RALGAPB: variants seen among roughly 807,000 people sequenced by gnomAD.
RALGAPB encodes ral GTPase-activating protein subunit beta.
A neutral mutation model predicts 161.1 loss-of-function variants in RALGAPB; 25 were observed. That is an observed-to-expected ratio of 0.16 (90% CI 0.11 to 0.22). The LOEUF (loss-of-function observed/expected upper bound fraction) is 0.22, where lower values mean the gene tolerates loss of function less well. Among genes scored for constraint, RALGAPB ranks in the 10% least tolerant of loss-of-function variants. The probability of loss-of-function intolerance (pLI) is 1.00; values close to 1 mark genes in which losing one functional copy is unlikely to be tolerated. For synonymous variants in RALGAPB, 629 were observed against 626.1 expected, an observed-to-expected ratio of 1.00 and a Z score of -0.07; for missense variants, 1,391 against 1,815.2, an observed-to-expected ratio of 0.77 and a Z score of 4.25.
intron 3 of RALGAPB, among the ~76,000 whole-genome samples, chr20:38,493,891 T>G (rs1197805349): frequency 1.3e-5 from 2 of 152,196 alleles, no homozygotes; most frequent in Non-Finnish European, 2.9e-5. Flanking sequence ...CTAGCTGTTC[T>G]GAATTCTGCG....
chr20:38,512,688 A>G (rs1206931766), intron 6 of RALGAPB, among the ~76,000 whole-genome samples: 1 of 152,160 alleles, frequency 6.6e-6, no homozygotes, highest in Non-Finnish European at 1.5e-5. Flanking sequence ...TTTGAGTAGG[A>G]TGTTGGTTGT....
chr20:38,556,887 G>T (rs1974686701), intron 22 of RALGAPB, among the ~76,000 whole-genome samples: 1 of 152,176 alleles, frequency 6.6e-6, no homozygotes, highest in African/African-American at 2.4e-5. Flanking sequence ...GGCAAAATTG[G>T]ACCTGAATTG....
At chr20:38,482,003 T>G (rs1433064110) in intron 1 of RALGAPB, among the ~76,000 whole-genome samples, 1 of 151,388 alleles carries the variant, frequency 6.6e-6, no homozygotes, top group Non-Finnish European at 1.5e-5. Context: ...GCACTGACCC[T>G]GTGCAATCAA....
intron 16 of RALGAPB, among the ~76,000 whole-genome samples, chr20:38,536,200 A>G (rs928306080): frequency 6.6e-6 from 1 of 152,212 alleles, no homozygotes; most frequent in Non-Finnish European, 1.5e-5. Flanking sequence ...CCTATACTGG[A>G]CATTTCATAT....
chr20:38,538,965 A>T (rs2086888728), intron 16 of RALGAPB, among the ~76,000 whole-genome samples: 1 of 152,256 alleles, frequency 6.6e-6, no homozygotes, highest in Non-Finnish European at 1.5e-5. Context: ...TGTATTTATA[A>T]TATCCAGAAG....
rs549000844 is a variant in RALGAPB, at chr20:38,566,327, G to A, written c.3818-769G>A. ...AATTATAACAGCTGTTGGGCTTCCC[G>A]TCAAGGTTCTGGTTTACTACTTATA... On this transcript the variant is annotated intron_variant, in intron 25 of 29. Transcript: ENST00000262879. Among the ~76,000 whole-genome samples, 8 of 152,236 alleles carry A rather than the reference G, an allele frequency of 5.3e-5. No homozygotes were observed. The South Asian group carries it at 1.5e-3, about 28-fold the overall frequency.
At chr20:38,566,149 T>C (rs2087989943) in intron 25 of RALGAPB, among the ~76,000 whole-genome samples, 1 of 152,180 alleles carries the variant, frequency 6.6e-6, no homozygotes, top group African/African-American at 2.4e-5. Context: ...TTCAGTCTTA[T>C]TTCCAGACTA....
intron 4 of RALGAPB, among the ~76,000 whole-genome samples, chr20:38,497,743 G>T (rs1188743183): frequency 6.6e-6 from 1 of 152,114 alleles, no homozygotes; most frequent in Non-Finnish European, 1.5e-5. Context: ...GGGACTCAGT[G>T]AATTATGCAT....
At chr20:38,512,629 G>A (rs2085994937) in intron 6 of RALGAPB, among the ~76,000 whole-genome samples, 1 of 152,132 alleles carries the variant, frequency 6.6e-6, no homozygotes, top group African/African-American at 2.4e-5. Flanking sequence ...TACTGTTTTG[G>A]CACCTTTTTT....
At chr20:38,493,904 A>G (rs746455419) in intron 3 of RALGAPB, among the ~76,000 whole-genome samples, 1 of 152,198 alleles carries the variant, frequency 6.6e-6, no homozygotes, top group African/African-American at 2.4e-5. Flanking sequence ...ATTCTGCGTG[A>G]GTGCTGCTCT....
At chr20:38,512,724 T>C (rs574093551) in intron 6 of RALGAPB, among the ~76,000 whole-genome samples, 131 of 152,328 alleles carry the variant, frequency 8.6e-4, no homozygotes, top group African/African-American at 2.9e-3. Flanking sequence ...TTTTTTATGC[T>C]CCTGGTTTCC....
At chr20:38,498,139 G>A (rs573686341) in intron 4 of RALGAPB, among the ~76,000 whole-genome samples, 1 of 151,160 alleles carries the variant, frequency 6.6e-6, no homozygotes, top group East Asian at 1.9e-4. Flanking sequence ...ATATTACAAA[G>A]TAGTTATCAA....
chr20:38,572,745 A>G (rs1380009873), intron 28 of RALGAPB, among the ~76,000 whole-genome samples: 2 of 152,224 alleles, frequency 1.3e-5, no homozygotes, highest in Non-Finnish European at 2.9e-5. Flanking sequence ...AACGTTCCAA[A>G]TACATCAGTA....
rs546780141 is a variant in RALGAPB, at chr20:38,488,889, C to T, written c.186+271C>T. Among the ~76,000 whole-genome samples the T allele has an allele frequency of 2.6e-5, 4 of 152,260 alleles. No individual in the cohort carries two copies. The East Asian group carries it at 7.7e-4, about 29-fold the overall frequency. Reference sequence around the variant, plus strand: ...CTTTTTACTAGTTATGGTCAATTCTCCACTTGAGCTGAAGGCCAAGACAAA... The same window carrying T: ...CTTTTTACTAGTTATGGTCAATTCTTCACTTGAGCTGAAGGCCAAGACAAA... On this transcript the variant is annotated intron_variant, in intron 2 of 29. Transcript: ENST00000262879.
chr20:38,519,386 ATTTTTCT>A (rs1303253909), intron 9 of RALGAPB, among the ~76,000 whole-genome samples: 1 of 151,554 alleles, frequency 6.6e-6, no homozygotes, highest in Non-Finnish European at 1.5e-5. Flanking sequence ...AATCAGTCCT[ATTTTTCT>A]TTTTTCTTTT....
rs1220384087 is a variant in RALGAPB at position 38,499,489 on chromosome 20, T to C, written c.596T>C (p.Leu199Pro). The C allele has an allele frequency of 6.2e-7, 1 of 1,612,834 alleles. No homozygotes were observed. Among genetic ancestry groups the C allele is most frequent in the African/African-American group, 1.3e-5 (1 of 74,844 alleles). ...ENLAEKLIGV[L>P]FEVWLLACTR... ...CTAGCAGAGAAGTTGATTGGTGTTCTCTTTGAGGTGTGGTTACTAGCTTGT... is the reference window on the plus strand; with the variant it reads ...CTAGCAGAGAAGTTGATTGGTGTTCCCTTTGAGGTGTGGTTACTAGCTTGT... Residue 199 changes from leucine to proline, a missense_variant, in exon 5 of 30, where the codon CTC becomes CCC. This residue lies in a region of RALGAPB where 946 missense variants were observed against 1,257.2 expected (regional missense o/e 0.75). Transcript: ENST00000262879.
intron 13 of RALGAPB, among the ~76,000 whole-genome samples, chr20:38,528,682 G>A (rs887524888): frequency 1.3e-5 from 2 of 151,776 alleles, no homozygotes; most frequent in Admixed American, 1.3e-4. Flanking sequence ...ATTTATTTTA[G>A]GGAATTTTTT....
At chr20:38,473,113 C>T (rs915887713) in intron 1 of RALGAPB, 44 bp downstream of exon 1, 8 of 340,742 alleles carry the variant, frequency 2.3e-5, no homozygotes, top group African/African-American at 1.7e-4. Flanking sequence ...CCTCCCCTCT[C>T]CTTCCCTCTC....
At chr20:38,482,501 C>T (rs1000487749) in intron 1 of RALGAPB, among the ~76,000 whole-genome samples, 1 of 148,494 alleles carries the variant, frequency 6.7e-6, no homozygotes, top group Non-Finnish European at 1.5e-5. Context: ...CATCTCGGCT[C>T]ACTGAAACCT....
Sources: gnomAD v4.1 joint callset for allele counts (sites outside exome capture counted in the v4.1 genomes callset) on GRCh38, gnomAD v4.1.1 for gene constraint, gnomAD v4.1.1 regional missense constraint, MANE v1.5 for transcripts, NCBI Gene and HGNC (gene_info 2026-07-23, HGNC 2026-07-21) for gene names.